VPS54: variants seen among roughly 807,000 people sequenced by gnomAD.
The protein encoded by VPS54 is vacuolar protein sorting-associated protein 54.
Under a neutral mutation model 121.5 loss-of-function variants are expected in VPS54, and 45 were observed. The ratio of observed to expected loss-of-function variants is 0.37; its 90% CI spans 0.29 to 0.47. The LOEUF is 0.47. Ranked by LOEUF, VPS54 falls within the 20% of genes least tolerant of loss-of-function variation. The probability of loss-of-function intolerance (pLI) is 0.99; values close to 1 mark genes in which losing one functional copy is unlikely to be tolerated. For missense variants in VPS54, 1,090 were observed against 1,131.4 expected, an observed-to-expected ratio of 0.96 and a Z score of 0.52; for synonymous variants, 371 against 385.8, an observed-to-expected ratio of 0.96 and a Z score of 0.45.
chr2:63,902,243 G>A (rs941492866), intron 20 of VPS54, among the ~76,000 whole-genome samples: 1 of 152,156 alleles, frequency 6.6e-6, no homozygotes, highest in Non-Finnish European at 1.5e-5. Context: ...CTCCTATTCT[G>A]TAGTGGAGAT....
chr2:63,923,845 C>T (rs1317100356), intron 12 of VPS54, among the ~76,000 whole-genome samples: 2 of 152,146 alleles, frequency 1.3e-5, no homozygotes, highest in African/African-American at 4.8e-5. Flanking sequence ...GAACGTCAGA[C>T]GTATTTTTGC....
intron 22 of VPS54, among the ~76,000 whole-genome samples, chr2:63,893,983 G>A (rs2104388024): frequency 6.6e-6 from 1 of 152,250 alleles, no homozygotes; most frequent in East Asian, 1.9e-4. Context: ...ATGTATATAA[G>A]CGATACTGGA....
intron 13 of VPS54, 36 bp from the exon 14 acceptor site, chr2:63,920,663 A>T (rs774695120): frequency 7.7e-7 from 1 of 1,298,640 alleles, no homozygotes; most frequent in Non-Finnish European, 1.0e-6. Flanking sequence ...GAGTTAGTGT[A>T]ACACCAAATT....
intron 18 of VPS54, among the ~76,000 whole-genome samples, chr2:63,912,896 A>G (rs578071772): frequency 2.3e-4 from 35 of 152,334 alleles, no homozygotes; most frequent in African/African-American, 8.4e-4. Flanking sequence ...GAGTATTATC[A>G]GTATCACAAT....
chr2:64,016,107 G>C (rs561943294), intron 1 of VPS54, among the ~76,000 whole-genome samples: 48 of 152,280 alleles, frequency 3.2e-4, no homozygotes, highest in Non-Finnish European at 8.8e-5. Context: ...AACTAATAGC[G>C]AGGTAAGCAG....
chr2:63,967,856 A>AG (rs1676081882), intron 5 of VPS54, among the ~76,000 whole-genome samples: 1 of 152,104 alleles, frequency 6.6e-6, no homozygotes, highest in African/African-American at 2.4e-5. Flanking sequence ...GGAAAGAACA[A>AG]GAAAGTACCC....
chr2:63,975,866 CAATTACATAGCTGG>C (rs896689174), intron 3 of VPS54, among the ~76,000 whole-genome samples: 2 of 152,194 alleles, frequency 1.3e-5, no homozygotes, highest in Non-Finnish European at 2.9e-5. Flanking sequence ...AACCCATTGG[CAATTACATAGCTGG>C]GATTACAGGC....
rs191894860 is a variant in VPS54 at position 63,989,527 on chromosome 2, G to A, written c.-20-5508C>T. On this transcript the variant is annotated intron_variant, in intron 1 of 22. Coordinates refer to ENST00000272322, the MANE Select transcript of VPS54 (RefSeq NM_016516.3). Reference sequence around the variant, plus strand: ...AGAAAAGAACCCACGTTGAAATATCGGGAACTGGTTCCCCCGATATCTGGT... The same window carrying A: ...AGAAAAGAACCCACGTTGAAATATCAGGAACTGGTTCCCCCGATATCTGGT... Among the ~76,000 whole-genome samples, 11 of 152,160 alleles carry A rather than the reference G, an allele frequency of 7.2e-5. No individual in the cohort carries two copies. The East Asian group carries it at 1.2e-3, about 16-fold the overall frequency.
At position 63,929,736 on chromosome 2, in the gene VPS54, T is replaced by G. The variant is rs569651633; in HGVS notation, c.1739+3937A>C. Among the ~76,000 whole-genome samples the G allele has an allele frequency of 2.7e-5, 4 of 147,726 alleles. No individual in the cohort carries two copies. In the South Asian group the frequency reaches 8.6e-4, roughly 32 times the overall value. ...AAAAAAAATCAATGAATCCAGGAGC[T>G]GGTTTTTTGAAAAGATCAACAAAAT... On this transcript the variant is annotated intron_variant, in intron 12 of 22. Transcript: ENST00000272322.
At chr2:63,914,320 T>C (rs770038043) in intron 16 of VPS54, 33 bp from the exon 17 acceptor site, 3 of 1,409,502 alleles carry the variant, frequency 2.1e-6, no homozygotes, top group East Asian at 2.3e-5. Flanking sequence ...CAATAGGAAA[T>C]CAAAACAAGA....
In VPS54 at chr2:63,944,810, G is replaced by A. The variant is rs530858251; in HGVS notation, c.1246-155C>T. Among the ~76,000 whole-genome samples the A allele has an allele frequency of 9.2e-5, 14 of 152,254 alleles. No individual in the cohort carries two copies. The South Asian group carries it at 2.9e-3, about 32-fold the overall frequency. ...ATGTGGCCAACATAACTGATCATTA[G>A]AGAAATGCAAATCAAAACCACAATG... On this transcript the variant is annotated intron_variant, in intron 9 of 22. Transcript: ENST00000272322.
intron 1 of VPS54, among the ~76,000 whole-genome samples, chr2:64,001,336 C>T (rs1677867369): frequency 6.6e-6 from 1 of 152,186 alleles, no homozygotes; most frequent in African/African-American, 2.4e-5. Context: ...GAATCAGGGA[C>T]CCCAAGAGCC....
chr2:63,952,101 T>G (rs10496104), intron 7 of VPS54, among the ~76,000 whole-genome samples: 11,379 of 152,264 alleles, frequency 0.075, 859 homozygotes, highest in African/African-American at 0.2. Context: ...TATGTACAGA[T>G]GGACTCAATT....
intron 12 of VPS54, among the ~76,000 whole-genome samples, chr2:63,931,630 G>A (rs1189785798): frequency 2.6e-5 from 4 of 152,160 alleles, no homozygotes; most frequent in African/African-American, 7.2e-5. Flanking sequence ...AAAAGCAATG[G>A]CAACAAAAGG....
Position 63,981,891 on chromosome 2 carries a change from C to T in VPS54, c.137-4G>A. The T allele has an allele frequency of 6.2e-7, 1 of 1,602,926 alleles. No individual in the cohort carries two copies. The highest frequency in any genetic ancestry group is 8.5e-7 in the Non-Finnish European group (1 of 1,175,096). On this transcript the variant is annotated splice_polypyrimidine_tract_variant and splice_region_variant and intron_variant, in intron 2 of 22. Coordinates refer to ENST00000272322, the MANE Select transcript of VPS54 (RefSeq NM_016516.3). ...ACATATAAACTATGTGAATCACCTG[C>T]AAAAAGTAAACAAGAGAACTCTGTA...
rs895589792 is a variant in VPS54 at position 63,921,224 on chromosome 2, A to G, written c.1851T>C (p.Phe617=). 6.2e-7 allele frequency: 1 copy of G among 1,608,100 alleles called. No homozygotes were observed. The highest frequency in any genetic ancestry group is 1.3e-5 in the African/African-American group (1 of 74,838). ...TAGCTACCTTTGCTCTTGACATGAG[A>G]AATTTGACAGCTCGATCATGGCATA... ...SDICHDRAVK[F]LMSRAKDGFL... is the part of the protein sequence containing the mutation. The change falls in exon 13 of 23, where the codon TTT becomes TTC. Residue 617 remains phenylalanine (F), a synonymous_variant. Transcript: ENST00000272322.
intron 7 of VPS54, among the ~76,000 whole-genome samples, chr2:63,958,206 T>C (rs976067760): frequency 5.3e-5 from 8 of 152,114 alleles, no homozygotes; most frequent in Admixed American, 4.6e-4. Flanking sequence ...CAAAACATGG[T>C]AGGAGACTGT....
At chr2:63,977,896 G>T (rs1575981831) in intron 3 of VPS54, among the ~76,000 whole-genome samples, 1 of 152,166 alleles carries the variant, frequency 6.6e-6, no homozygotes, top group East Asian at 1.9e-4. Context: ...GGTGTCAGAG[G>T]CTAAAATTTC....
chr2:64,011,295 C>T (rs758145634), intron 1 of VPS54, among the ~76,000 whole-genome samples: 28 of 152,124 alleles, frequency 1.8e-4, no homozygotes, highest in Non-Finnish European at 3.5e-4. Flanking sequence ...AGGCCGGGCA[C>T]GGTGGCTCAT....
Sources: gnomAD v4.1 joint callset for allele counts (sites outside exome capture counted in the v4.1 genomes callset) on GRCh38, gnomAD v4.1.1 for gene constraint, MANE v1.5 for transcripts, NCBI Gene and HGNC (gene_info 2026-07-23, HGNC 2026-07-21) for gene names.